CCDC181: variants seen among roughly 807,000 people sequenced by gnomAD.
CCDC181 encodes coiled-coil domain-containing protein 181.
CCDC181 carries 35 observed loss-of-function variants against 58.7 expected under a neutral mutation model. That is an observed-to-expected ratio of 0.60 (90% confidence interval 0.46 to 0.79). CCDC181 has a LOEUF of 0.79. Ranked by LOEUF, CCDC181 falls within the 30% of genes least tolerant of loss-of-function variation. The probability of loss-of-function intolerance (pLI) is 0.00; values close to 1 mark genes in which losing one functional copy is unlikely to be tolerated. For synonymous variants in CCDC181, 183 were observed against 197.5 expected (o/e 0.93, Z 0.62); for missense variants, 517 against 583.9 (o/e 0.89, Z 1.18).
chr1:169,401,514 T>A (rs151030637), intron 4 of CCDC181, among the ~76,000 whole-genome samples: 8,698 of 152,284 alleles, frequency 0.057, 278 homozygotes, highest in Middle Eastern at 0.11. Flanking sequence ...CTGCAGCCTC[T>A]GCTGGTGAGA....
chr1:169,424,736 A>G (rs1656638275), intron 2 of CCDC181, 75 bp downstream of exon 2: 3 of 812,790 alleles, frequency 3.7e-6, no homozygotes, highest in Non-Finnish European at 6.0e-6. Context: ...TAGATGAGAT[A>G]ATAATGTGAA....
chr1:169,422,077 T>G lies in CCDC181; in HGVS notation c.354A>C (p.Glu118Asp). The G allele has an allele frequency of 1.9e-6, 3 of 1,613,798 alleles. No homozygotes were observed. Among genetic ancestry groups the G allele is most frequent in the Non-Finnish European group, 2.5e-6 (3 of 1,179,826 alleles). Residue 118 changes from glutamate (E) to aspartate (D), a missense_variant, in exon 3 of 6, where the codon GAA (glutamate) becomes GAC (aspartate). Transcript: ENST00000367806. ...KLESQKDLEE[E>D]EDEEVRRYIM... Reference sequence around the variant, plus strand: ...TATATCTCCTTACTTCCTCATCCTCTTCCTCCTCCAAGTCTTTCTGGCTTT... The same window carrying G: ...TATATCTCCTTACTTCCTCATCCTCGTCCTCCTCCAAGTCTTTCTGGCTTT...
chr1:169,449,196 T>G (rs1657463824), intron 2 of CCDC181, among the ~76,000 whole-genome samples: 2 of 152,212 alleles, frequency 1.3e-5, no homozygotes, highest in Non-Finnish European at 1.5e-5. Flanking sequence ...TTGTTTGTCT[T>G]TTAGCATATC....
chr1:169,395,560 A>G (rs1290743643), intron 5 of CCDC181, among the ~76,000 whole-genome samples: 1 of 152,224 alleles, frequency 6.6e-6, no homozygotes, highest in Non-Finnish European at 1.5e-5. Context: ...TACTCTTTGT[A>G]ACTAGCTGTA....
chr1:169,440,568 G>A (rs1354911863), intron 2 of CCDC181, among the ~76,000 whole-genome samples: 1 of 152,108 alleles, frequency 6.6e-6, no homozygotes, highest in Non-Finnish European at 1.5e-5. Context: ...AGACATAGAG[G>A]CATCAACTAG....
At chr1:169,441,058 GTT>G (rs1320140075) in intron 2 of CCDC181, among the ~76,000 whole-genome samples, 1 of 151,512 alleles carries the variant, frequency 6.6e-6, no homozygotes, top group East Asian at 1.9e-4. Flanking sequence ...GTGAACAAAA[GTT>G]TCCATTAAAA....
chr1:169,423,691 C>A (rs770678266), intron 2 of CCDC181, among the ~76,000 whole-genome samples: 1 of 151,926 alleles, frequency 6.6e-6, no homozygotes, highest in Non-Finnish European at 1.5e-5. Flanking sequence ...AATAAATCAT[C>A]CCTATTACCT....
At chr1:169,448,716 A>T (rs1053662921) in intron 2 of CCDC181, among the ~76,000 whole-genome samples, 2 of 152,060 alleles carry the variant, frequency 1.3e-5, no homozygotes, top group Non-Finnish European at 2.9e-5. Flanking sequence ...ATTAATTCTG[A>T]AATGTTCTTG....
chr1:169,406,432 T>C (rs1223418718), intron 4 of CCDC181, among the ~76,000 whole-genome samples: 4 of 152,152 alleles, frequency 2.6e-5, no homozygotes, highest in Non-Finnish European at 4.4e-5. Flanking sequence ...ATTAAGTAAA[T>C]GTTGCACATA....
chr1:169,459,938 C>T (rs929083683), intron 1 of CCDC181: 10 of 116,922 alleles, frequency 8.6e-5, no homozygotes, highest in African/African-American at 1.9e-4. Context: ...AAGGAGGAGG[C>T]GGAGGGGAAG....
chr1:169,441,654 A>T (rs1024843759), intron 2 of CCDC181, among the ~76,000 whole-genome samples: 2 of 152,056 alleles, frequency 1.3e-5, no homozygotes, highest in African/African-American at 4.8e-5. Flanking sequence ...AGAAGTAGGT[A>T]CATGAAGCAA....
At chr1:169,447,356 A>C (rs555783013) in intron 2 of CCDC181, among the ~76,000 whole-genome samples, 2 of 152,150 alleles carry the variant, frequency 1.3e-5, no homozygotes, top group East Asian at 1.9e-4. Context: ...CAGGTGATCC[A>C]CCCGCCTCAG....
At chr1:169,432,621 G>C (rs1656950387) in intron 2 of CCDC181, among the ~76,000 whole-genome samples, 2 of 152,064 alleles carry the variant, frequency 1.3e-5, no homozygotes, top group South Asian at 4.1e-4. Context: ...CAAAATACCT[G>C]ATTTCAGCAG....
At position 169,395,189 on chromosome 1, in the gene CCDC181, C is replaced by T. The variant is rs1654946469; in HGVS notation, c.1388G>A (p.Arg463Gln). 4.3e-6 allele frequency: 7 copies of T among 1,611,558 alleles called. No homozygotes were observed. The highest frequency in any genetic ancestry group is 1.7e-4 in the Middle Eastern group (1 of 6,042). ...RAFKQWLRRK[R>Q]MEKMAEQQAV... The stretch of plus-strand genomic sequence containing the variant: ...TTGTTGCTCTGCCATTTTTTCCATC[C>T]GTTTCCTTCTTAACCATCTGTAGAA... The change falls in exon 6 of 6, where the codon CGG (arginine) becomes CAG (glutamine). Residue 463 changes from arginine (R) to glutamine (Q), a missense_variant. Arg to Gln is a conservative substitution (Grantham distance 43). Coordinates refer to ENST00000367806, the MANE Select transcript of CCDC181 (RefSeq NM_001300969.2).
intron 4 of CCDC181, among the ~76,000 whole-genome samples, chr1:169,417,379 CGAG>C (rs1347848528): frequency 6.6e-6 from 1 of 151,974 alleles, no homozygotes; most frequent in Non-Finnish European, 1.5e-5. Flanking sequence ...TCACATAACT[CGAG>C]GAAACACATT....
At chr1:169,415,938 C>G (rs772019750) in intron 4 of CCDC181, among the ~76,000 whole-genome samples, 6 of 152,170 alleles carry the variant, frequency 3.9e-5, no homozygotes, top group Admixed American at 3.3e-4. Context: ...TCCTGAAAAC[C>G]GGATAAATTT....
At chr1:169,418,406 TA>T (rs1656307626) in intron 4 of CCDC181, among the ~76,000 whole-genome samples, 1 of 151,974 alleles carries the variant, frequency 6.6e-6, no homozygotes, top group African/African-American at 2.4e-5. Flanking sequence ...TAAATATAAA[TA>T]AGATATAAAA....
At chr1:169,451,680 A>G (rs1657543023) in intron 2 of CCDC181, among the ~76,000 whole-genome samples, 1 of 152,046 alleles carries the variant, frequency 6.6e-6, no homozygotes, top group South Asian at 2.1e-4. Flanking sequence ...GGTAACAAGC[A>G]TAAATAAATA....
chr1:169,407,322 T>C (rs113643391), intron 4 of CCDC181, among the ~76,000 whole-genome samples: 1 of 152,108 alleles, frequency 6.6e-6, no homozygotes, highest in East Asian at 1.9e-4. Flanking sequence ...TGTAAAACAA[T>C]TGAACATCAT....
Sources: allele counts gnomAD v4.1 joint callset (sites outside exome capture counted in the v4.1 genomes callset), GRCh38; gene constraint gnomAD v4.1.1; transcripts MANE v1.5; gene names NCBI Gene and HGNC (gene_info 2026-07-23, HGNC 2026-07-21).